The following DNM2 variants were observed in gnomAD, a reference collection of about 807,000 sequenced individuals.
The protein encoded by DNM2 is dynamin-2.
DNM2 carries 15 observed loss-of-function variants against 99.0 expected under a neutral mutation model. That is an observed-to-expected ratio of 0.15 (90% CI 0.10 to 0.23). DNM2 has a LOEUF of 0.23. Ranked by LOEUF, DNM2 falls within the 10% of genes least tolerant of loss-of-function variation. The pLI is 1.00. For synonymous variants in DNM2, 525 were observed against 481.2 expected, an observed-to-expected ratio of 1.09 and a Z score of -1.19; for missense variants, 742 against 1,189.4, an observed-to-expected ratio of 0.62 and a Z score of 5.53.
chr19:10,754,936 A>G (rs2070331750), intron 1 of DNM2, among the ~76,000 whole-genome samples: 1 of 152,200 alleles, frequency 6.6e-6, no homozygotes, highest in African/African-American at 2.4e-5. Context: ...TACTGGCTAG[A>G]TCAAGATGCA....
intron 1 of DNM2, chr19:10,718,664 G>T: frequency 3.0e-6 from 1 of 338,712 alleles, no homozygotes; most frequent in Non-Finnish European, 5.0e-6. Flanking sequence ...GGAACCCTGC[G>T]GTCCATCTGG....
At chr19:10,794,344 C>CGTGTGTGTGTGTGTGTGT (rs58263525) in intron 8 of DNM2, among the ~76,000 whole-genome samples, 87 of 141,700 alleles carry the variant, frequency 6.1e-4, no homozygotes, top group South Asian at 2.5e-3. Flanking sequence ...CTTCTTTTTC[C>CGTGTGTGTGTGTGTGTGT]GTGTGTGTGT....
chr19:10,819,217 G>C (rs576646809), intron 15 of DNM2, among the ~76,000 whole-genome samples: 36 of 152,266 alleles, frequency 2.4e-4, no homozygotes, highest in African/African-American at 8.7e-4. Context: ...TTTAAGACCA[G>C]CCTGGGCAAC....
In DNM2 at chr19:10,739,898, A is replaced by G. The variant is rs991197412; in HGVS notation, c.162-19840A>G. Among the ~76,000 whole-genome samples, 7 of 151,136 alleles carry G rather than the reference A, an allele frequency of 4.6e-5. 1 individual carries two copies. In the South Asian group the frequency reaches 6.2e-4, roughly 13 times the overall value. On this transcript the variant is annotated intron_variant, in intron 1 of 20. Transcript: ENST00000389253. ...AAAAAAAAAAAAAAAGAATTCACCA[A>G]TGAAGCCACCTGGGCCTGGACTTTT... is the stretch of plus-strand genomic sequence containing the variant.
Position 10,831,713 on chromosome 19 carries a change from G to A in DNM2, c.*666G>A. On this transcript the variant is annotated 3_prime_UTR_variant, in exon 21 of 21. Coordinates refer to ENST00000389253, the MANE Select transcript of DNM2 (RefSeq NM_001005361.3). This position sits in a 1 kb window ranked among gnomAD's most constrained non-coding sequence, Gnocchi z 4.3. ...GGGTCCCCCAGGGTGGCTGGGCTTG[G>A]GCTATGTGGGTGGTGGTGGCGGGGG... 19 of 986,544 alleles carry A rather than the reference G, an allele frequency of 1.9e-5. No homozygotes were observed. Among genetic ancestry groups the A allele is most frequent in the Non-Finnish European group, 2.3e-5 (19 of 830,540 alleles). The allele number at this position is 986,544 out of a possible 1,614,324, so 61.1% of individuals were successfully genotyped here. A position where few individuals can be genotyped will look rare whatever the true frequency, so the allele number is the denominator to read the frequency against.
chr19:10,727,092 C>G (rs1180447547), intron 1 of DNM2, among the ~76,000 whole-genome samples: 9 of 152,172 alleles, frequency 5.9e-5, no homozygotes, highest in Admixed American at 5.9e-4. Flanking sequence ...TCTGCCCTAA[C>G]CCCACATGTG....
intron 9 of DNM2, 78 bp from the exon 10 acceptor site, chr19:10,797,297 TCTCTC>T (rs2071970886): frequency 6.3e-7 from 1 of 1,580,746 alleles, no homozygotes; most frequent in South Asian, 1.1e-5. Context: ...TTTCTTCTCT[TCTCTC>T]TGTCTCCTGT....
chr19:10,792,049 T>C (rs8112925), intron 7 of DNM2, among the ~76,000 whole-genome samples: 14,734 of 152,104 alleles, frequency 0.097, 1,236 homozygotes, highest in East Asian at 0.36. Context: ...GATTGTCCCA[T>C]TGCGCTCCAG....
chr19:10,802,177 G>A lies in DNM2; in HGVS notation c.1423-111G>A, dbSNP rs747387921. On this transcript the variant is annotated intron_variant, in intron 11 of 20. Coordinates refer to ENST00000389253, the MANE Select transcript of DNM2 (RefSeq NM_001005361.3). ...CAGCCCCTGTTCTCCTGTCTGGGAA[G>A]CCTCCTGGTTCCCACGCCTTCCCTG... is the stretch of plus-strand genomic sequence containing the variant. 478 of 1,125,428 alleles carry A rather than the reference G, an allele frequency of 4.2e-4. 1 individual carries two copies. Among genetic ancestry groups the A allele is most frequent in the Non-Finnish European group, 5.5e-4 (406 of 742,434 alleles). 69.7% of individuals were successfully genotyped at this position (1,125,428 alleles called of 1,614,324 possible).
rs185820576 is a variant in DNM2 at position 10,831,648 on chromosome 19, C to T, written c.*601C>T. 39 of 986,072 alleles carry T rather than the reference C, an allele frequency of 4.0e-5. 1 individual carries two copies. In the East Asian group the frequency reaches 3.9e-3, roughly 98 times the overall value. 61.1% of individuals were successfully genotyped at this position (986,072 alleles called of 1,614,324 possible). On this transcript the variant is annotated 3_prime_UTR_variant, in exon 21 of 21. Coordinates refer to ENST00000389253, the MANE Select transcript of DNM2 (RefSeq NM_001005361.3). This position sits in a 1 kb window ranked among gnomAD's most constrained non-coding sequence, Gnocchi z 4.3. ...TTTGCTAGGCCCGGAGCCGTTGGCC[C>T]GGGCCGGCCTTGCCCTATTCCTCTC...
At chr19:10,804,772 C>A (rs2072276103) in intron 12 of DNM2, among the ~76,000 whole-genome samples, 1 of 152,192 alleles carries the variant, frequency 6.6e-6, no homozygotes, top group Non-Finnish European at 1.5e-5. Context: ...GGATAAAATT[C>A]TGCCTTTGTT....
intron 2 of DNM2, chr19:10,768,785 T>C (rs577866409): frequency 6.6e-6 from 1 of 152,388 alleles, no homozygotes; most frequent in South Asian, 2.1e-4. Flanking sequence ...TCACCTAACA[T>C]GCGTGAGTGT....
chr19:10,736,661 C>T (rs1448758171), intron 1 of DNM2, among the ~76,000 whole-genome samples: 1 of 152,056 alleles, frequency 6.6e-6, no homozygotes, highest in African/African-American at 2.4e-5. Context: ...GGCTGGTGTG[C>T]CAATAGTGTT....
chr19:10,725,332 G>A (rs918824059), intron 1 of DNM2, among the ~76,000 whole-genome samples: 1 of 151,878 alleles, frequency 6.6e-6, no homozygotes, highest in South Asian at 2.1e-4. Context: ...TTTAGTCCCA[G>A]CTATTTGGGA....
intron 1 of DNM2, among the ~76,000 whole-genome samples, chr19:10,720,686 C>T (rs1370201575): frequency 2.0e-5 from 3 of 152,098 alleles, no homozygotes; most frequent in African/African-American, 4.8e-5. Flanking sequence ...GCCGTGATTG[C>T]ACCATTACCC....
At chr19:10,773,512 A>G (rs1396965634) in intron 3 of DNM2, among the ~76,000 whole-genome samples, 1 of 146,710 alleles carries the variant, frequency 6.8e-6, no homozygotes, top group Admixed American at 6.8e-5. Context: ...GTAGTGGCGC[A>G]ATCTCCACTC....
chr19:10,776,010 C>T, intron 4 of DNM2, 104 bp downstream of exon 4: 1 of 1,427,320 alleles, frequency 7.0e-7, no homozygotes, highest in Non-Finnish European at 9.6e-7. Context: ...TAATCCATGG[C>T]CGCTGTAGGA....
intron 14 of DNM2, chr19:10,809,770 CG>C (rs2072475631): frequency 6.6e-6 from 1 of 152,364 alleles, no homozygotes. Flanking sequence ...TGCCCTCTGG[CG>C]GGGCTCTTCT....
rs145757872 is a variant in DNM2, at chr19:10,773,891, T to C, written c.385+1263T>C. Among the ~76,000 whole-genome samples, 1,226 of 152,122 alleles carry C rather than the reference T, an allele frequency of 8.1e-3. 17 individuals are homozygous for C. The highest frequency in any genetic ancestry group is 0.028 in the African/African-American group (1,170 of 41,510). On this transcript the variant is annotated intron_variant, in intron 3 of 20. Coordinates refer to ENST00000389253, the MANE Select transcript of DNM2 (RefSeq NM_001005361.3). The stretch of plus-strand genomic sequence containing the variant: ...CCTCCCAAAGTGCTGGGATTACAGG[T>C]TTTAGCCACCTTGCCCAGCCAAATA...
Sources: gnomAD v4.1 joint callset for allele counts (sites outside exome capture counted in the v4.1 genomes callset) on GRCh38, gnomAD v4.1.1 for gene constraint, Gnocchi (gnomAD v3.1) non-coding constraint, MANE v1.5 for transcripts, NCBI Gene and HGNC (gene_info 2026-07-23, HGNC 2026-07-21) for gene names.